PCDH15: variants seen among roughly 807,000 people sequenced by gnomAD.
PCDH15 encodes the protein protocadherin related 15.
PCDH15 carries 129 observed loss-of-function variants against 178.5 expected under a neutral mutation model. The observed-to-expected ratio is 0.72, with a 90% CI of 0.63 to 0.84. PCDH15 has a LOEUF of 0.84. Ranked by LOEUF, PCDH15 falls within the 40% of genes least tolerant of loss-of-function variation. The pLI, the probability that PCDH15 is intolerant of heterozygous loss-of-function variation, is 0.00. For synonymous variants in PCDH15, 800 were observed against 732.0 expected (o/e 1.09, Z -1.50); for missense variants, 2,230 against 2,099.9 (o/e 1.06, Z -1.21).
intron 28 of PCDH15, among the ~76,000 whole-genome samples, chr10:53,841,079 C>T (rs534990039): frequency 4.6e-5 from 7 of 152,102 alleles, no homozygotes; most frequent in Non-Finnish European, 1.0e-4. Flanking sequence ...TGAATAAAAA[C>T]AACATATACC....
At chr10:54,835,336 C>T (rs1208181222) in intron 3 of PCDH15, among the ~76,000 whole-genome samples, 1 of 152,078 alleles carries the variant, frequency 6.6e-6, no homozygotes, top group African/African-American at 2.4e-5. Flanking sequence ...ATGTGTCTAT[C>T]GACTTCCTGT....
At chr10:54,145,596 GAGTTTTA>G (rs2043827964) in intron 14 of PCDH15, among the ~76,000 whole-genome samples, 1 of 152,078 alleles carries the variant, frequency 6.6e-6, no homozygotes, top group Non-Finnish European at 1.5e-5. Flanking sequence ...TTACAGGGCA[GAGTTTTA>G]AGATAGAAGA....
At chr10:55,563,797 A>G (rs1034532984) in intron 2 of PCDH15, among the ~76,000 whole-genome samples, 4 of 151,942 alleles carry the variant, frequency 2.6e-5, no homozygotes, top group Non-Finnish European at 5.9e-5. Context: ...CTAAAAATGA[A>G]CAAAAAAAAT....
intron 10 of PCDH15, among the ~76,000 whole-genome samples, chr10:54,211,136 T>C (rs2051382142): frequency 6.6e-6 from 1 of 152,146 alleles, no homozygotes; most frequent in Non-Finnish European, 1.5e-5. Context: ...CGTGAACTAA[T>C]TCACTCTTAC....
intron 7 of PCDH15, among the ~76,000 whole-genome samples, chr10:54,327,499 A>G (rs1347058307): frequency 6.6e-6 from 1 of 150,412 alleles, no homozygotes; most frequent in Admixed American, 6.7e-5. Flanking sequence ...AATATAAATA[A>G]AAGCTTCCAA....
chr10:54,302,073 A>T lies in PCDH15; in HGVS notation c.876+15198T>A, dbSNP rs2384445. Among the ~76,000 whole-genome samples the T allele has an allele frequency of 8.2e-3, 1,247 of 152,266 alleles. 23 individuals carry two copies. The highest frequency in any genetic ancestry group is 0.029 in the African/African-American group (1,196 of 41,538). ...AAATTCCCATCAAAATCAACATAAC[A>T]TACTGTTTGTGTTAGTAACAGAAAT... On this transcript the variant is annotated intron_variant, in intron 8 of 37. Coordinates refer to ENST00000644397, the MANE Select transcript of PCDH15 (RefSeq NM_001384140.1).
rs72361686 is a variant in PCDH15 at position 54,062,227 on chromosome 10, C to CAAA, written c.2220+4527_2220+4529dup. On this transcript the variant is annotated intron_variant, in intron 18 of 37. Coordinates refer to ENST00000644397, the MANE Select transcript of PCDH15 (RefSeq NM_001384140.1). The stretch of plus-strand genomic sequence containing the variant: ...GGGTGACAAGAGTGAGATTCTGTCT[C>CAAA]AAAAAAAAAAAAAAAAAAAAAAAAA... 6.7e-3 allele frequency among the ~76,000 whole-genome samples: 359 copies of CAAA among 53,730 alleles called. 20 individuals carry two copies. The highest frequency in any genetic ancestry group is 0.017 in the East Asian group (21 of 1,252). 35.2% of individuals were successfully genotyped at this position (53,730 alleles called of 152,430 possible).
At chr10:54,504,629 T>A (rs1341777257) in intron 3 of PCDH15, among the ~76,000 whole-genome samples, 1 of 152,186 alleles carries the variant, frequency 6.6e-6, no homozygotes, top group Non-Finnish European at 1.5e-5. Context: ...TTTAGCATTT[T>A]TACACTGACC....
chr10:55,064,474 C>T (rs1841512214), intron 2 of PCDH15, among the ~76,000 whole-genome samples: 1 of 151,962 alleles, frequency 6.6e-6, no homozygotes, highest in South Asian at 2.1e-4. Context: ...CAAAGGTACT[C>T]ATATTAGGTT....
At chr10:55,569,614 C>T (rs1402367935) in intron 2 of PCDH15, among the ~76,000 whole-genome samples, 1 of 150,960 alleles carries the variant, frequency 6.6e-6, no homozygotes, top group Non-Finnish European at 1.5e-5. Context: ...TCAAATGAAA[C>T]ATCATGATGA....
At chr10:54,518,289 G>T (rs1224362784) in intron 3 of PCDH15, among the ~76,000 whole-genome samples, 1 of 151,904 alleles carries the variant, frequency 6.6e-6, no homozygotes, top group Non-Finnish European at 1.5e-5. Context: ...TTTTTGAAAA[G>T]ATCAACAAAA....
chr10:55,453,334 T>TA (rs1465845138), intron 2 of PCDH15, among the ~76,000 whole-genome samples: 1 of 152,204 alleles, frequency 6.6e-6, no homozygotes, highest in Admixed American at 6.5e-5. Flanking sequence ...ATTGTTTTCT[T>TA]ACTGCAGCGG....
At chr10:53,835,984 G>A (rs2077283537) in intron 29 of PCDH15, among the ~76,000 whole-genome samples, 1 of 152,150 alleles carries the variant, frequency 6.6e-6, no homozygotes, top group African/African-American at 2.4e-5. Context: ...CAATTCCCCA[G>A]ACCTTTATCT....
At chr10:54,756,089 A>ACACTCACT (rs1555182949) in intron 1 of PCDH15, among the ~76,000 whole-genome samples, 7 of 148,338 alleles carry the variant, frequency 4.7e-5, no homozygotes, top group Admixed American at 4.1e-4. Flanking sequence ...ACACACACAC[A>ACACTCACT]CACACACAAA....
At chr10:54,381,451 C>G (rs922976251) in intron 3 of PCDH15, among the ~76,000 whole-genome samples, 1 of 152,124 alleles carries the variant, frequency 6.6e-6, no homozygotes, top group African/African-American at 2.4e-5. Context: ...TTTCCTCCTT[C>G]GTTACTTTGC....
intron 8 of PCDH15, among the ~76,000 whole-genome samples, chr10:54,290,694 G>A (rs1176947975): frequency 2.6e-5 from 4 of 152,130 alleles, no homozygotes; most frequent in East Asian, 1.9e-4. Context: ...TAAAGGGATG[G>A]AGGAAGATCT....
chr10:54,260,314 ATCTC>A (rs922647601), intron 8 of PCDH15, among the ~76,000 whole-genome samples: 2 of 151,890 alleles, frequency 1.3e-5, no homozygotes, highest in Non-Finnish European at 2.9e-5. Flanking sequence ...TTGAGAAGGA[ATCTC>A]TCTCTGTCGC....
intron 3 of PCDH15, among the ~76,000 whole-genome samples, chr10:54,832,623 T>C (rs1953242922): frequency 1.3e-5 from 2 of 152,208 alleles, no homozygotes; most frequent in Admixed American, 1.3e-4. Context: ...TTTCTGATTA[T>C]CTACTTTATT....
In PCDH15 at chr10:53,840,179, A is replaced by ATTG. The variant is rs10671958; in HGVS notation, c.3983+140_3983+141insCAA. On this transcript the variant is annotated intron_variant, in intron 29 of 37. Coordinates refer to ENST00000644397, the MANE Select transcript of PCDH15 (RefSeq NM_001384140.1). ...ACTTTAAGGCATGAGAATCCTAGGT[A>ATTG]TTTCAGGTTCTTTGCTTACACTTCA... is the stretch of plus-strand genomic sequence containing the variant. 339,899 of 1,003,212 alleles carry ATTG rather than the reference A, an allele frequency of 0.34. 78,088 individuals carry two copies. Among genetic ancestry groups the ATTG allele is most frequent in the East Asian group, 1 (38,520 of 38,624 alleles). The allele number at this position is 1,003,212 out of a possible 1,614,324, so 62.1% of individuals were successfully genotyped here. A position where few individuals can be genotyped will look rare whatever the true frequency, so the allele number is the denominator to read the frequency against.
Sources: gnomAD v4.1 joint callset for allele counts (sites outside exome capture counted in the v4.1 genomes callset) on GRCh38, gnomAD v4.1.1 for gene constraint, MANE v1.5 for transcripts, NCBI Gene and HGNC (gene_info 2026-07-23, HGNC 2026-07-21) for gene names.